Variants in SRGAP3 observed in about 807,000 individuals in gnomAD.
SRGAP3 encodes the protein SLIT-ROBO Rho GTPase-activating protein 3.
Under a neutral mutation model 121.1 loss-of-function variants are expected in SRGAP3, and 39 were observed. That is an observed-to-expected ratio of 0.32 (90% CI 0.25 to 0.42). The LOEUF is 0.42. Ranked by LOEUF, SRGAP3 falls within the 10% of genes least tolerant of loss-of-function variation. The pLI is 1.00. For synonymous variants in SRGAP3, 601 were observed against 570.0 expected (o/e 1.05, Z -0.77); for missense variants, 1,213 against 1,470.6 (o/e 0.82, Z 2.86).
intron 3 of SRGAP3, among the ~76,000 whole-genome samples, chr3:9,284,832 CA>C (rs368751790): frequency 0.038 from 4,253 of 111,382 alleles, 82 homozygotes; most frequent in African/African-American, 0.059. Context: ...GAGTCTGCCT[CA>C]AAAAAAAAAA....
intron 3 of SRGAP3, among the ~76,000 whole-genome samples, chr3:9,284,213 G>T (rs993864717): frequency 6.6e-6 from 1 of 151,628 alleles, no homozygotes; most frequent in Non-Finnish European, 1.5e-5. Context: ...ATCCTACTTC[G>T]GTATGCCACA....
intron 12 of SRGAP3, among the ~76,000 whole-genome samples, chr3:9,028,342 C>T (rs1249106393): frequency 6.6e-6 from 1 of 152,174 alleles, no homozygotes; most frequent in Non-Finnish European, 1.5e-5. Context: ...TGGAAGCCAC[C>T]CAGCCAGCCT....
chr3:9,342,350 CA>C (rs5741610), intron 1 of SRGAP3, among the ~76,000 whole-genome samples: 90,433 of 144,692 alleles, frequency 0.63, 28,053 homozygotes, highest in East Asian at 0.88. Context: ...GACTCCATCT[CA>C]AAAAAAAAAA....
At chr3:9,309,324 T>C (rs943015040) in intron 3 of SRGAP3, among the ~76,000 whole-genome samples, 2 of 152,230 alleles carry the variant, frequency 1.3e-5, no homozygotes, top group South Asian at 2.1e-4. Context: ...CAGCAGTTAA[T>C]ACTGAAGTAG....
intron 1 of SRGAP3, among the ~76,000 whole-genome samples, chr3:9,230,453 A>G (rs1953161548): frequency 1.3e-5 from 2 of 152,152 alleles, no homozygotes; most frequent in African/African-American, 4.8e-5. Flanking sequence ...GCCACTGGAG[A>G]CTTCACCTAG....
chr3:9,014,261 G>A lies in SRGAP3; in HGVS notation c.1814-419C>T. ...AGTCCAGCTGGACCTAAGTTTTCCA[G>A]GTTCCCGAACAGTGCATTCCCTTTT... On this transcript the variant is annotated intron_variant, in intron 15 of 21. Coordinates refer to ENST00000383836, the MANE Select transcript of SRGAP3 (RefSeq NM_014850.4). 6 of 288,260 alleles carry A rather than the reference G, an allele frequency of 2.1e-5. 1 individual carries two copies. The South Asian group carries it at 2.4e-4, about 12-fold the overall frequency. The allele number at this position is 288,260 out of a possible 1,614,324, so 17.9% of individuals were successfully genotyped here.
chr3:9,251,263 G>T (rs998270089), upstream of SRGAP3, among the ~76,000 whole-genome samples: 2 of 152,146 alleles, frequency 1.3e-5, no homozygotes, highest in Non-Finnish European at 2.9e-5. Flanking sequence ...GAATCATGGG[G>T]CTTATTATAG....
intron 3 of SRGAP3, among the ~76,000 whole-genome samples, chr3:9,086,599 G>GTACACACA (rs1947490231): frequency 6.8e-6 from 1 of 148,018 alleles, no homozygotes; most frequent in Admixed American, 6.8e-5. Flanking sequence ...ATATATATAG[G>GTACACACA]TACACACATA....
chr3:9,224,376 C>T (rs111956956), intron 1 of SRGAP3, among the ~76,000 whole-genome samples: 350 of 152,288 alleles, frequency 2.3e-3, no homozygotes, highest in African/African-American at 8.1e-3. Flanking sequence ...GGGAGATGGA[C>T]GTGTGGGAAC....
intron 1 of SRGAP3, among the ~76,000 whole-genome samples, chr3:9,237,128 C>T (rs1953442442): frequency 6.6e-6 from 1 of 152,206 alleles, no homozygotes; most frequent in Non-Finnish European, 1.5e-5. Flanking sequence ...GGATCTGCTT[C>T]AGTATGCACC....
At chr3:9,291,282 T>C (rs1954864356) in intron 3 of SRGAP3, among the ~76,000 whole-genome samples, 4 of 152,176 alleles carry the variant, frequency 2.6e-5, no homozygotes, top group Admixed American at 2.6e-4. Context: ...TTTTCTTATT[T>C]GCCTGAAGAG....
At chr3:9,359,838 CTTGT>C (rs1262541976) in intron 1 of SRGAP3, among the ~76,000 whole-genome samples, 3 of 152,198 alleles carry the variant, frequency 2.0e-5, no homozygotes, top group African/African-American at 4.8e-5. Context: ...ATATAACACA[CTTGT>C]TTGTCTATTC....
At chr3:9,011,745 T>C (rs777958615) in intron 17 of SRGAP3, among the ~76,000 whole-genome samples, 23 of 152,162 alleles carry the variant, frequency 1.5e-4, no homozygotes, top group Non-Finnish European at 2.5e-4. Context: ...CAACAGATGA[T>C]TGGTAACCAT....
At chr3:9,302,205 G>T (rs1955070868) in intron 3 of SRGAP3, among the ~76,000 whole-genome samples, 1 of 152,180 alleles carries the variant, frequency 6.6e-6, no homozygotes, top group Non-Finnish European at 1.5e-5. Context: ...GGGAGGCCAA[G>T]GGTTTCCGCG....
At chr3:9,064,858 T>A (rs912670377) in intron 4 of SRGAP3, among the ~76,000 whole-genome samples, 46 of 94,550 alleles carry the variant, frequency 4.9e-4, no homozygotes, top group Non-Finnish European at 4.3e-4. Context: ...AATTAAAAAA[T>A]AATAATAAAT....
At chr3:9,077,792 C>A (rs768344714) in intron 4 of SRGAP3, among the ~76,000 whole-genome samples, 10 of 152,226 alleles carry the variant, frequency 6.6e-5, no homozygotes, top group Non-Finnish European at 1.2e-4. Context: ...ATGCCACTGT[C>A]CTCCTGATCT....
chr3:8,987,054 G>A (rs2124907146), intron 21 of SRGAP3, among the ~76,000 whole-genome samples: 1 of 152,268 alleles, frequency 6.6e-6, no homozygotes, highest in East Asian at 1.9e-4. Flanking sequence ...GTTGCTGGCC[G>A]TGTGACCCTG....
At chr3:9,182,187 A>C (rs1368226461) in intron 1 of SRGAP3, among the ~76,000 whole-genome samples, 4 of 150,590 alleles carry the variant, frequency 2.7e-5, no homozygotes, top group African/African-American at 9.7e-5. Flanking sequence ...AAAAAAAAAA[A>C]AAAAAAAAAA....
chr3:9,136,398 C>A (rs1949657260), intron 1 of SRGAP3, among the ~76,000 whole-genome samples: 2 of 62,702 alleles, frequency 3.2e-5, no homozygotes, highest in South Asian at 1.3e-3. Context: ...GCTGGGACCC[C>A]CCCCCCCCCC....
Sources: allele counts gnomAD v4.1 joint callset (sites outside exome capture counted in the v4.1 genomes callset), GRCh38; gene constraint gnomAD v4.1.1; transcripts MANE v1.5; gene names NCBI Gene and HGNC (gene_info 2026-07-23, HGNC 2026-07-21).